DLGAP1: variants seen among roughly 807,000 people sequenced by gnomAD.
DLGAP1 encodes the protein DLG associated protein 1.
Under a neutral mutation model 90.8 loss-of-function variants are expected in DLGAP1, and 11 were observed. The ratio of observed to expected loss-of-function variants is 0.12; its 90% CI spans 0.08 to 0.20. The LOEUF is 0.20. DLGAP1 is among the 10% of genes least tolerant of loss of function. The pLI is 1.00. For missense variants in DLGAP1, 1,050 were observed against 1,333.8 expected, an observed-to-expected ratio of 0.79 and a Z score of 3.31; for synonymous variants, 558 against 540.7, an observed-to-expected ratio of 1.03 and a Z score of -0.44.
intron 7 of DLGAP1, among the ~76,000 whole-genome samples, chr18:3,634,809 C>G (rs994508533): frequency 6.6e-6 from 1 of 152,134 alleles, no homozygotes; most frequent in Non-Finnish European, 1.5e-5. Flanking sequence ...TGAATTTATT[C>G]GAAGGTGAAC....
At chr18:3,950,702 C>T (rs1043933699) in intron 3 of DLGAP1, among the ~76,000 whole-genome samples, 4 of 152,176 alleles carry the variant, frequency 2.6e-5, no homozygotes, top group Non-Finnish European at 5.9e-5. Flanking sequence ...GCTGGGAGTG[C>T]TCCACAGCTT....
At chr18:4,082,420 A>G (rs1316956044) in intron 2 of DLGAP1, among the ~76,000 whole-genome samples, 1 of 148,408 alleles carries the variant, frequency 6.7e-6, no homozygotes, top group African/African-American at 2.5e-5. Flanking sequence ...CTGAGGCCCA[A>G]GAATCACTTG....
chr18:4,326,311 G>C (rs2080816139), intron 1 of DLGAP1, among the ~76,000 whole-genome samples: 1 of 152,126 alleles, frequency 6.6e-6, no homozygotes, highest in African/African-American at 2.4e-5. Context: ...TCTCACAGAT[G>C]TCAGAATGTC....
Position 3,514,278 on chromosome 18 carries a change from A to G in DLGAP1, c.2480-5617T>C, listed in dbSNP as rs141480293. Among the ~76,000 whole-genome samples the G allele has an allele frequency of 9.5e-4, 144 of 152,080 alleles. 2 individuals are homozygous for G. The East Asian group carries it at 0.026, about 28-fold the overall frequency. ...TGAGCCACTGTGCCCTGCCTCTCTG[A>G]CTGCTTCTAATTCTTACATGATGCT... On this transcript the variant is annotated intron_variant, in intron 10 of 12. Transcript: ENST00000315677.
At chr18:4,371,585 C>T (rs75105625) in intron 1 of DLGAP1, among the ~76,000 whole-genome samples, 2 of 152,314 alleles carry the variant, frequency 1.3e-5, no homozygotes, top group East Asian at 3.9e-4. Flanking sequence ...ACCCTTATAA[C>T]TTCTGTTTTT....
At chr18:4,035,330 G>A (rs1555728301) in intron 2 of DLGAP1, among the ~76,000 whole-genome samples, 1 of 152,158 alleles carries the variant, frequency 6.6e-6, no homozygotes, top group East Asian at 1.9e-4. Context: ...CTTAGGGACA[G>A]AACAAGACCT....
chr18:3,826,909 T>C (rs146685804), intron 4 of DLGAP1, among the ~76,000 whole-genome samples: 16 of 152,016 alleles, frequency 1.1e-4, no homozygotes, highest in Admixed American at 4.6e-4. Flanking sequence ...AGGGAGAAGA[T>C]AGGGCCAAGA....
At chr18:3,758,461 T>C (rs2063809788) in intron 5 of DLGAP1, among the ~76,000 whole-genome samples, 1 of 152,188 alleles carries the variant, frequency 6.6e-6, no homozygotes, top group African/African-American at 2.4e-5. Context: ...TGGCCAAAAT[T>C]ATTCACAGAC....
intron 8 of DLGAP1, among the ~76,000 whole-genome samples, chr18:3,570,011 G>A (rs1019495719): frequency 1.3e-5 from 2 of 151,862 alleles, no homozygotes; most frequent in Non-Finnish European, 2.9e-5. Flanking sequence ...TTAACATTAT[G>A]TTATAATGGC....
At chr18:3,952,224 C>A (rs2073000602) in intron 3 of DLGAP1, among the ~76,000 whole-genome samples, 1 of 152,228 alleles carries the variant, frequency 6.6e-6, no homozygotes, top group Non-Finnish European at 1.5e-5. Context: ...AGCATTTCCC[C>A]TCCTGAGGGA....
intron 2 of DLGAP1, among the ~76,000 whole-genome samples, chr18:4,058,083 C>T (rs2075248167): frequency 6.6e-6 from 1 of 152,162 alleles, no homozygotes; most frequent in South Asian, 2.1e-4. Flanking sequence ...AGGGTTAAAG[C>T]CTGAGACCAT....
intron 7 of DLGAP1, among the ~76,000 whole-genome samples, chr18:3,718,208 C>T (rs1182757366): frequency 6.6e-6 from 1 of 152,112 alleles, no homozygotes; most frequent in Admixed American, 6.5e-5. Flanking sequence ...TGCCTATAAT[C>T]CCAGCACTTT....
At chr18:4,242,247 T>G (rs1418335207) in intron 1 of DLGAP1, among the ~76,000 whole-genome samples, 3 of 152,180 alleles carry the variant, frequency 2.0e-5, no homozygotes, top group Non-Finnish European at 4.4e-5. Flanking sequence ...ACAAAGACTA[T>G]TCTCCATATG....
chr18:4,288,477 C>G (rs945478040), intron 1 of DLGAP1, among the ~76,000 whole-genome samples: 2 of 152,112 alleles, frequency 1.3e-5, no homozygotes, highest in Admixed American at 6.6e-5. Context: ...AAAGCTCTAC[C>G]TGGTTCCATG....
chr18:3,890,489 C>T (rs2148855273), intron 3 of DLGAP1, among the ~76,000 whole-genome samples: 1 of 152,316 alleles, frequency 6.6e-6, no homozygotes, highest in South Asian at 2.1e-4. Context: ...CCTTCTGCTT[C>T]TGTCTTCCCA....
chr18:3,740,190 C>T (rs1334792947), intron 6 of DLGAP1, among the ~76,000 whole-genome samples: 2 of 152,094 alleles, frequency 1.3e-5, no homozygotes, highest in African/African-American at 4.8e-5. Context: ...GGTTTGTAGA[C>T]CATTTTATAA....
chr18:3,747,425 G>A (rs906079939), intron 5 of DLGAP1, among the ~76,000 whole-genome samples: 14 of 152,250 alleles, frequency 9.2e-5, no homozygotes, highest in Middle Eastern at 3.4e-3. Flanking sequence ...AAAGAGAATC[G>A]TAGCTGGAAG....
chr18:3,618,533 G>A lies in DLGAP1; in HGVS notation c.1592-36285C>T, dbSNP rs1037130617. The stretch of plus-strand genomic sequence containing the variant: ...TAACCTGCAGGGAGTTGGCACTGGT[G>A]ACTGCTAGCCATAAATGTTGCTATT... On this transcript the variant is annotated intron_variant, in intron 7 of 12. Coordinates refer to ENST00000315677, the MANE Select transcript of DLGAP1 (RefSeq NM_004746.4). Among the ~76,000 whole-genome samples, 3 of 150,626 alleles carry A rather than the reference G, an allele frequency of 2.0e-5. No individual in the cohort carries two copies. The South Asian group carries it at 6.3e-4, about 32-fold the overall frequency.
chr18:4,328,358 T>A (rs963109459), intron 1 of DLGAP1, among the ~76,000 whole-genome samples: 7 of 151,992 alleles, frequency 4.6e-5, no homozygotes, highest in Non-Finnish European at 1.0e-4. Context: ...AATGCATCCA[T>A]GTTGTTGTAT....
Sources: allele counts gnomAD v4.1 joint callset (sites outside exome capture counted in the v4.1 genomes callset), GRCh38; gene constraint gnomAD v4.1.1; transcripts MANE v1.5; gene names NCBI Gene and HGNC (gene_info 2026-07-23, HGNC 2026-07-21).